The following ZNF148 variants were observed in gnomAD, a reference collection of about 807,000 sequenced individuals.
The protein encoded by ZNF148 is zinc finger protein 148.
Under a neutral mutation model 67.7 loss-of-function variants are expected in ZNF148, and 7 were observed. The ratio of observed to expected loss-of-function variants is 0.10; its 90% CI spans 0.06 to 0.19. The LOEUF is 0.19. Among genes scored for constraint, ZNF148 ranks in the 10% least tolerant of loss-of-function variants. The pLI is 1.00. For missense variants in ZNF148, 583 were observed against 947.1 expected (o/e 0.62, Z 5.05); for synonymous variants, 333 against 330.7 (o/e 1.01, Z -0.08).
At chr3:125,307,054 C>CAAAAAAA (rs55863917) in intron 4 of ZNF148, among the ~76,000 whole-genome samples, 2 of 144,370 alleles carry the variant, frequency 1.4e-5, no homozygotes, top group African/African-American at 2.5e-5. Flanking sequence ...ATAGCTATTC[C>CAAAAAAA]AAAAAAAAAA....
intron 7 of ZNF148, among the ~76,000 whole-genome samples, chr3:125,240,376 GAA>G (rs1163998764): frequency 2.6e-5 from 4 of 152,068 alleles, no homozygotes; most frequent in African/African-American, 9.7e-5. Flanking sequence ...ACAAACTGGA[GAA>G]AACCCATGTT....
At chr3:125,307,058 A>AC (rs1291525295) in intron 4 of ZNF148, among the ~76,000 whole-genome samples, 2 of 151,612 alleles carry the variant, frequency 1.3e-5, no homozygotes, top group African/African-American at 4.8e-5. Flanking sequence ...CTATTCCAAA[A>AC]AAAAAAAAAG....
At chr3:125,284,102 T>C (rs928305456) in intron 5 of ZNF148, among the ~76,000 whole-genome samples, 3 of 152,180 alleles carry the variant, frequency 2.0e-5, no homozygotes, top group African/African-American at 7.2e-5. Context: ...ATTCAGTTAC[T>C]AAGGAGGTGG....
chr3:125,279,744 AAGTT>A (rs1244296490), intron 5 of ZNF148, among the ~76,000 whole-genome samples: 3 of 66,030 alleles, frequency 4.5e-5, no homozygotes, highest in Non-Finnish European at 6.4e-5. Flanking sequence ...AGGATTTGTT[AAGTT>A]AAAAAAAAAA....
intron 7 of ZNF148, among the ~76,000 whole-genome samples, chr3:125,272,244 A>G (rs1211285366): frequency 6.6e-6 from 1 of 152,252 alleles, no homozygotes; most frequent in Non-Finnish European, 1.5e-5. Flanking sequence ...GAAATCTGAC[A>G]TATGCTTCAT....
At chr3:125,286,552 C>T (rs72973836) in intron 5 of ZNF148, among the ~76,000 whole-genome samples, 365 of 152,208 alleles carry the variant, frequency 2.4e-3, no homozygotes, top group African/African-American at 8.5e-3. Flanking sequence ...AAGATACATA[C>T]TCAAACATTT....
intron 1 of ZNF148, among the ~76,000 whole-genome samples, chr3:125,364,793 G>GT (rs1419360080): frequency 2.0e-5 from 3 of 152,100 alleles, no homozygotes; most frequent in Non-Finnish European, 4.4e-5. Context: ...GCACTTTACT[G>GT]TATTTATCTC....
At chr3:125,312,705 G>A (rs946066324) in intron 4 of ZNF148, among the ~76,000 whole-genome samples, 2 of 152,186 alleles carry the variant, frequency 1.3e-5, no homozygotes, top group African/African-American at 4.8e-5. Context: ...ATCATAGAAA[G>A]AAGAGACAAG....
intron 5 of ZNF148, among the ~76,000 whole-genome samples, chr3:125,284,317 A>T (rs1938544451): frequency 6.6e-6 from 1 of 152,184 alleles, no homozygotes; most frequent in Admixed American, 6.6e-5. Flanking sequence ...TTCTAGTGTC[A>T]AGATTTGAAG....
At chr3:125,241,617 A>T (rs980793062) in intron 7 of ZNF148, among the ~76,000 whole-genome samples, 7 of 152,124 alleles carry the variant, frequency 4.6e-5, no homozygotes, top group Non-Finnish European at 5.9e-5. Context: ...CTGACAGCGG[A>T]TGTTATTTAT....
intron 4 of ZNF148, among the ~76,000 whole-genome samples, chr3:125,312,212 ATC>A (rs1236720341): frequency 6.6e-6 from 1 of 152,224 alleles, no homozygotes; most frequent in Non-Finnish European, 1.5e-5. Context: ...ATCCAACCAC[ATC>A]TAAAAAGAAC....
chr3:125,371,657 C>A (rs9815953), intron 1 of ZNF148, among the ~76,000 whole-genome samples: 1 of 135,032 alleles, frequency 7.4e-6, no homozygotes. Flanking sequence ...AGACTCCGTC[C>A]CAAAAAAAAA....
chr3:125,358,980 C>T (rs1056497817), intron 1 of ZNF148, among the ~76,000 whole-genome samples: 14 of 152,214 alleles, frequency 9.2e-5, no homozygotes, highest in African/African-American at 3.1e-4. Flanking sequence ...CTACTATAAT[C>T]CTTCCCATCA....
intron 7 of ZNF148, among the ~76,000 whole-genome samples, chr3:125,270,695 G>C (rs116519780): frequency 0.011 from 1,611 of 152,116 alleles, 24 homozygotes; most frequent in African/African-American, 0.036. Flanking sequence ...GGACAAATAA[G>C]AAAAATAAGA....
rs553539444 is a variant in ZNF148 at position 125,320,852 on chromosome 3, T to A, written c.-17+2457A>T. On this transcript the variant is annotated intron_variant, in intron 3 of 8. Coordinates refer to ENST00000360647, the MANE Select transcript of ZNF148 (RefSeq NM_021964.3). ...TTGGAGGATGCCAGTTACATTAACTTGGATATTAACATTTCTAACCTATGT... is the reference window on the plus strand; with the variant it reads ...TTGGAGGATGCCAGTTACATTAACTAGGATATTAACATTTCTAACCTATGT... Among the ~76,000 whole-genome samples the A allele has an allele frequency of 1.8e-3, 267 of 152,216 alleles. 1 individual carries two copies. Among genetic ancestry groups the A allele is most frequent in the Non-Finnish European group, 3.5e-3 (241 of 68,012 alleles).
intron 7 of ZNF148, among the ~76,000 whole-genome samples, chr3:125,258,431 A>AAAAG (rs1553809021): frequency 6.7e-6 from 1 of 149,606 alleles, no homozygotes; most frequent in African/African-American, 2.5e-5. Context: ...TCAAAAAAAA[A>AAAAG]AAAAAAAAAA....
intron 1 of ZNF148, among the ~76,000 whole-genome samples, chr3:125,370,551 A>C (rs1256286835): frequency 6.6e-6 from 1 of 152,232 alleles, no homozygotes; most frequent in African/African-American, 2.4e-5. Flanking sequence ...CAAATACAAA[A>C]TTTAGCAATA....
At chr3:125,318,246 T>C (rs979586603) in intron 3 of ZNF148, among the ~76,000 whole-genome samples, 6 of 152,034 alleles carry the variant, frequency 3.9e-5, no homozygotes, top group African/African-American at 1.4e-4. Flanking sequence ...ACATGCCATA[T>C]CCCTCCTCTA....
At chr3:125,262,919 C>T (rs923996218) in intron 7 of ZNF148, among the ~76,000 whole-genome samples, 11 of 152,164 alleles carry the variant, frequency 7.2e-5, no homozygotes, top group African/African-American at 2.7e-4. Flanking sequence ...ACATGAAAGG[C>T]CATAAACTTT....
Sources: allele counts gnomAD v4.1 joint callset (sites outside exome capture counted in the v4.1 genomes callset), GRCh38; gene constraint gnomAD v4.1.1; transcripts MANE v1.5; gene names NCBI Gene and HGNC (gene_info 2026-07-23, HGNC 2026-07-21).